The following CPPED1 variants were observed in gnomAD, a reference collection of about 807,000 sequenced individuals.
The protein encoded by CPPED1 is calcineurin like phosphoesterase domain containing 1, also known as serine/threonine-protein phosphatase CPPED1.
Under a neutral mutation model 28.0 loss-of-function variants are expected in CPPED1, and 28 were observed. The ratio of observed to expected loss-of-function variants is 1.00; its 90% CI spans 0.74 to 1.37. CPPED1 has a LOEUF of 1.37. CPPED1 is among the 40% of genes most tolerant of loss of function. The probability of loss-of-function intolerance (pLI) is 0.00; values close to 1 mark genes in which losing one functional copy is unlikely to be tolerated. For synonymous variants in CPPED1, 198 were observed against 180.2 expected, an observed-to-expected ratio of 1.10 and a Z score of -0.79; for missense variants, 504 against 416.5, an observed-to-expected ratio of 1.21 and a Z score of -1.83.
intron 1 of CPPED1, among the ~76,000 whole-genome samples, chr16:12,791,374 G>A (rs2080595666): frequency 6.6e-6 from 1 of 152,042 alleles, no homozygotes; most frequent in Non-Finnish European, 1.5e-5. Context: ...CTTCATCTGT[G>A]TCCCTGCAAA....
chr16:12,682,396 T>C lies in CPPED1; in HGVS notation c.716-17281A>G, dbSNP rs1220170300. Among the ~76,000 whole-genome samples, 1 of 152,170 alleles carries C rather than the reference T, an allele frequency of 6.6e-6. No individual in the cohort carries two copies. The highest frequency in any genetic ancestry group is 2.4e-5 in the African/African-American group (1 of 41,434). Reference sequence around the variant, plus strand: ...ACTTTTTATTTTTTCCCCTTCCTGATGACTTACAGATTCAAAACCTGTAGA... The same window carrying C: ...ACTTTTTATTTTTTCCCCTTCCTGACGACTTACAGATTCAAAACCTGTAGA... On this transcript the variant is annotated intron_variant, in intron 3 of 3. Coordinates refer to ENST00000381774, the MANE Select transcript of CPPED1 (RefSeq NM_018340.3). This position sits in a 1 kb window ranked among gnomAD's most constrained non-coding sequence, Gnocchi z 6.1.
chr16:12,763,189 G>T (rs2080419958), intron 2 of CPPED1, among the ~76,000 whole-genome samples: 1 of 151,444 alleles, frequency 6.6e-6, no homozygotes, highest in Non-Finnish European at 1.5e-5. Flanking sequence ...CCGAGATGGT[G>T]CCATTGCACT....
At chr16:12,794,410 T>C (rs551985791) in intron 1 of CPPED1, among the ~76,000 whole-genome samples, 6 of 151,832 alleles carry the variant, frequency 4.0e-5, no homozygotes, top group Admixed American at 2.6e-4. Context: ...ATGCTAACAG[T>C]TGTTAAAGGA....
chr16:12,707,361 C>T (rs929983470), intron 2 of CPPED1, among the ~76,000 whole-genome samples: 5 of 152,106 alleles, frequency 3.3e-5, no homozygotes, highest in South Asian at 2.1e-4. Context: ...GTGTGTGCAC[C>T]GACTTGCTTC....
intron 3 of CPPED1, among the ~76,000 whole-genome samples, chr16:12,684,710 T>C (rs1567275170): frequency 6.6e-6 from 1 of 152,228 alleles, no homozygotes; most frequent in South Asian, 2.1e-4. Flanking sequence ...CCCACCTTGG[T>C]TTCCCCTACT....
chr16:12,764,141 G>C (rs1158245767), intron 2 of CPPED1, among the ~76,000 whole-genome samples: 1 of 151,632 alleles, frequency 6.6e-6, no homozygotes, highest in African/African-American at 2.4e-5. Context: ...CTGAGAAGCA[G>C]GTCAATGGTG....
intron 3 of CPPED1, among the ~76,000 whole-genome samples, chr16:12,672,749 T>C (rs1167069366): frequency 8.5e-5 from 13 of 152,122 alleles, no homozygotes; most frequent in Non-Finnish European, 1.9e-4. Flanking sequence ...ATCGGGTGAT[T>C]GGGAATGAAA....
At chr16:12,678,067 T>G (rs2079886943) in intron 3 of CPPED1, among the ~76,000 whole-genome samples, 1 of 152,164 alleles carries the variant, frequency 6.6e-6, no homozygotes, top group African/African-American at 2.4e-5. Context: ...AGAATACACT[T>G]GGGTAAAGTT....
At chr16:12,777,600 A>T (rs2080504948) in intron 2 of CPPED1, among the ~76,000 whole-genome samples, 1 of 152,252 alleles carries the variant, frequency 6.6e-6, no homozygotes, top group Admixed American at 6.5e-5. Flanking sequence ...AATGTGTTTC[A>T]AAACTAAATG....
intron 3 of CPPED1, among the ~76,000 whole-genome samples, chr16:12,668,414 G>A (rs370869135): frequency 5.9e-5 from 9 of 151,990 alleles, no homozygotes; most frequent in Admixed American, 3.9e-4. Context: ...ATAAAAATAC[G>A]GAATAACCTG....
At chr16:12,734,541 G>A (rs562797601) in intron 2 of CPPED1, among the ~76,000 whole-genome samples, 5 of 152,186 alleles carry the variant, frequency 3.3e-5, no homozygotes, top group South Asian at 4.1e-4. Context: ...CACTGTCCCC[G>A]GCTAATTTTC....
At chr16:12,688,827 A>T (rs1158609620) in intron 3 of CPPED1, among the ~76,000 whole-genome samples, 1 of 152,176 alleles carries the variant, frequency 6.6e-6, no homozygotes, top group Non-Finnish European at 1.5e-5. Context: ...GACAAATATA[A>T]CACTAAGCAA....
At chr16:12,734,058 GTTTTTTTTTT>G (rs71142517) in intron 2 of CPPED1, among the ~76,000 whole-genome samples, 9 of 64,410 alleles carry the variant, frequency 1.4e-4, no homozygotes, top group South Asian at 7.0e-4. Flanking sequence ...CAAATTACAC[GTTTTTTTTTT>G]TTTTTTTTTT....
At chr16:12,764,204 T>C (rs1596476560) in intron 2 of CPPED1, among the ~76,000 whole-genome samples, 1 of 12,442 alleles carries the variant, frequency 8.0e-5, no homozygotes, top group African/African-American at 5.1e-4. Flanking sequence ...TTGATTTTAA[T>C]TTTTTTTTTT....
At chr16:12,716,589 T>C (rs1007640830) in intron 2 of CPPED1, among the ~76,000 whole-genome samples, 29 of 152,232 alleles carry the variant, frequency 1.9e-4, no homozygotes, top group African/African-American at 7.0e-4. Context: ...AAAACTTCAG[T>C]CCTATTTGGG....
intron 2 of CPPED1, among the ~76,000 whole-genome samples, chr16:12,754,517 G>T (rs1031147422): frequency 6.6e-6 from 1 of 152,194 alleles, no homozygotes; most frequent in Non-Finnish European, 1.5e-5. Flanking sequence ...AGGGGCATGT[G>T]CACATTATAA....
chr16:12,743,974 A>AAAAG (rs1163299699), intron 2 of CPPED1, among the ~76,000 whole-genome samples: 1 of 150,602 alleles, frequency 6.6e-6, no homozygotes, highest in Non-Finnish European at 1.5e-5. Flanking sequence ...ACAAAAACCA[A>AAAAG]AAAGAAAGAA....
chr16:12,718,299 C>T (rs971137800), intron 2 of CPPED1, among the ~76,000 whole-genome samples: 2 of 152,122 alleles, frequency 1.3e-5, no homozygotes, highest in Admixed American at 1.3e-4. Flanking sequence ...AGCACTTTGG[C>T]AGGCCAAGGC....
At chr16:12,792,135 T>C (rs770278003) in intron 1 of CPPED1, among the ~76,000 whole-genome samples, 2 of 152,110 alleles carry the variant, frequency 1.3e-5, no homozygotes, top group Non-Finnish European at 2.9e-5. Context: ...GTATTTTTAG[T>C]AGAGATGAGG....
Sources: allele counts gnomAD v4.1 joint callset (sites outside exome capture counted in the v4.1 genomes callset), GRCh38; gene constraint gnomAD v4.1.1; non-coding constraint Gnocchi (gnomAD v3.1); transcripts MANE v1.5; gene names NCBI Gene and HGNC (gene_info 2026-07-23, HGNC 2026-07-21).